The following RAD17 variants were observed in gnomAD, a reference collection of about 807,000 sequenced individuals.
RAD17 encodes cell cycle checkpoint protein RAD17.
RAD17 carries 31 observed loss-of-function variants against 81.5 expected under a neutral mutation model. The ratio of observed to expected loss-of-function variants is 0.38; its 90% CI spans 0.29 to 0.51. RAD17 has a LOEUF of 0.51. Ranked by LOEUF, RAD17 falls within the 20% of genes least tolerant of loss-of-function variation. RAD17 has a pLI of 0.88. For missense variants in RAD17, 681 were observed against 781.2 expected (o/e 0.87, Z 1.53); for synonymous variants, 261 against 266.2 (o/e 0.98, Z 0.19).
At chr5:69,398,074 G>A (rs1257126883) in intron 16 of RAD17, among the ~76,000 whole-genome samples, 1 of 151,612 alleles carries the variant, frequency 6.6e-6, no homozygotes, top group African/African-American at 2.4e-5. Context: ...CTGACATGGC[G>A]CCACTGCACT....
At chr5:69,407,573 T>A (rs564055547) in intron 17 of RAD17, among the ~76,000 whole-genome samples, 1 of 125,000 alleles carries the variant, frequency 8.0e-6, no homozygotes, top group East Asian at 2.4e-4. Context: ...TTTTTTTTTT[T>A]TTTTTTTTTT....
At chr5:69,381,666 A>C (rs1763867881) in intron 6 of RAD17, among the ~76,000 whole-genome samples, 1 of 152,112 alleles carries the variant, frequency 6.6e-6, no homozygotes, top group Non-Finnish European at 1.5e-5. Context: ...AGATTCTCTT[A>C]TTTCCATATT....
chr5:69,369,410 C>T (rs1213501474), upstream of RAD17: 2 of 1,597,470 alleles, frequency 1.3e-6, no homozygotes, highest in Admixed American at 3.4e-5. Flanking sequence ...GCCCAGAGCA[C>T]TCTGCGCCCC....
In RAD17 at chr5:69,398,868, T is replaced by TAAAAAAA. The variant is rs72281552; in HGVS notation, c.1573-1167_1573-1161dup. On this transcript the variant is annotated intron_variant, in intron 16 of 18. Transcript: ENST00000354868. ...TTCAGAATTTCTGGAATCTCCTGGT[T>TAAAAAAA]AAAAAAAAAAAAAAAAAAAAGAGGC... 1.4e-4 allele frequency among the ~76,000 whole-genome samples: 15 copies of TAAAAAAA among 109,866 alleles called. 1 individual carries two copies. Among genetic ancestry groups the TAAAAAAA allele is most frequent in the South Asian group, 3.5e-4 (1 of 2,898 alleles). The allele number at this position is 109,866 out of a possible 152,430, so 72.1% of individuals were successfully genotyped here.
At chr5:69,380,663 CT>C (rs777416003) in intron 6 of RAD17, among the ~76,000 whole-genome samples, 122 of 145,140 alleles carry the variant, frequency 8.4e-4, no homozygotes, top group Non-Finnish European at 7.1e-4. Flanking sequence ...GTAGCTTCAA[CT>C]TTTTTTTTTT....
intron 6 of RAD17, among the ~76,000 whole-genome samples, chr5:69,379,279 A>T (rs564880283): frequency 7.2e-5 from 11 of 152,084 alleles, no homozygotes; most frequent in Admixed American, 5.9e-4. Context: ...TATAAAAGAT[A>T]AAAAAAATGC....
intron 12 of RAD17, among the ~76,000 whole-genome samples, chr5:69,390,278 C>T (rs1764469267): frequency 6.6e-6 from 1 of 152,038 alleles, no homozygotes; most frequent in South Asian, 2.1e-4. Flanking sequence ...GATTCAAATC[C>T]AGATCCTGTG....
chr5:69,382,066 T>G lies in RAD17; in HGVS notation c.508+9T>G. On this transcript the variant is annotated intron_variant, in intron 7 of 18. Transcript: ENST00000354868. ...GGGGATGTTTAATACTGGTAAGATTTGCTGTGAAGGTAGTAGAAGTAGTGG... is the reference window on the plus strand; with the variant it reads ...GGGGATGTTTAATACTGGTAAGATTGGCTGTGAAGGTAGTAGAAGTAGTGG... The G allele has an allele frequency of 6.2e-7, 1 of 1,609,996 alleles. No individual in the cohort carries two copies. The highest frequency in any genetic ancestry group is 1.1e-5 in the South Asian group (1 of 90,516).
At chr5:69,369,368 G>A (rs1007412573), upstream of RAD17, 75 of 1,417,990 alleles carry the variant, frequency 5.3e-5, no homozygotes, top group Middle Eastern at 2.4e-4. Flanking sequence ...CTCTGAAGAG[G>A]GCAGTGAGGG....
chr5:69,408,338 T>G (rs926741629), intron 17 of RAD17, among the ~76,000 whole-genome samples: 1 of 152,098 alleles, frequency 6.6e-6, no homozygotes, highest in Non-Finnish European at 1.5e-5. Flanking sequence ...GAAGTCTGTC[T>G]TTTGCAACAT....
chr5:69,377,774 A>G (rs1298287128), intron 6 of RAD17, among the ~76,000 whole-genome samples: 1 of 149,116 alleles, frequency 6.7e-6, no homozygotes, highest in Admixed American at 6.8e-5. Context: ...CTTTAATCAT[A>G]TACTCTGTTT....
chr5:69,369,738 T>C (rs1167050266), upstream of RAD17: 22 of 1,539,174 alleles, frequency 1.4e-5, 1 homozygote, highest in Middle Eastern at 5.0e-4. Flanking sequence ...GGCAGTGCGC[T>C]GGATGCCTAA....
At chr5:69,394,425 G>C (rs968631240) in intron 15 of RAD17, among the ~76,000 whole-genome samples, 10 of 151,980 alleles carry the variant, frequency 6.6e-5, no homozygotes, top group East Asian at 1.9e-4. Context: ...TTAAGAAGTA[G>C]ATACAAGAGA....
intron 3 of RAD17, 109 bp downstream of exon 3, chr5:69,371,666 C>T: frequency 1.9e-6 from 1 of 521,478 alleles, no homozygotes; most frequent in East Asian, 3.9e-5. Context: ...AGCCGAGTAT[C>T]TATTGTAATT....
chr5:69,391,924 T>A lies in RAD17; in HGVS notation c.1100T>A (p.Val367Asp). Residue 367 changes from valine to aspartate, a missense_variant, in exon 13 of 19, where the codon GTT becomes GAT. Val to Asp is a radical substitution (Grantham distance 152). Coordinates refer to ENST00000354868, the MANE Select transcript of RAD17 (RefSeq NM_133338.3). Reference protein sequence around the residue: ...KSKRRKKPDRVFENQEVQAIG... With the variant: ...KSKRRKKPDRDFENQEVQAIG... ...AAACGAAGAAAAAAACCTGATAGGG[T>A]TTTTGAAAATCAAGAGGTCCAAGCT... The A allele has an allele frequency of 6.3e-7, 1 of 1,596,118 alleles. No individual in the cohort carries two copies. Among genetic ancestry groups the A allele is most frequent in the Non-Finnish European group, 8.5e-7 (1 of 1,174,490 alleles).
chr5:69,382,371 T>G (rs577227837), intron 7 of RAD17, among the ~76,000 whole-genome samples: 1 of 152,120 alleles, frequency 6.6e-6, no homozygotes, highest in Non-Finnish European at 1.5e-5. Context: ...CTTGAGCCCA[T>G]GAGTTCAAGG....
chr5:69,396,123 A>G (rs1201923756), intron 15 of RAD17, among the ~76,000 whole-genome samples: 1 of 152,192 alleles, frequency 6.6e-6, no homozygotes, highest in African/African-American at 2.4e-5. Flanking sequence ...GTCCCTATTC[A>G]GATTTCCTCA....
intron 15 of RAD17, 104 bp downstream of exon 15, chr5:69,393,604 C>A: frequency 9.3e-7 from 1 of 1,076,664 alleles, no homozygotes; most frequent in Non-Finnish European, 1.3e-6. Flanking sequence ...TTTTATGTGA[C>A]TTTTCTTCAT....
intron 8 of RAD17, 65 bp from the exon 9 acceptor site, chr5:69,385,978 A>G (rs1458303404): frequency 7.2e-7 from 1 of 1,380,066 alleles, no homozygotes; most frequent in African/African-American, 1.5e-5. Context: ...CAATAAATAT[A>G]AATTTGAAAA....
Sources: allele counts gnomAD v4.1 joint callset (sites outside exome capture counted in the v4.1 genomes callset), GRCh38; gene constraint gnomAD v4.1.1; transcripts MANE v1.5; gene names NCBI Gene and HGNC (gene_info 2026-07-23, HGNC 2026-07-21).